The following AQP7 variants were observed in gnomAD, a reference collection of about 807,000 sequenced individuals.
AQP7 encodes the protein aquaporin 7, also known as aquaporin-7.
In AQP7, 22 loss-of-function variants were observed where a neutral mutation model predicts 26.1. The observed-to-expected ratio is 0.84, with a 90% CI of 0.60 to 1.20. AQP7 has a LOEUF of 1.20. AQP7 is among the 50% of genes most tolerant of loss of function. AQP7 has a pLI of 0.00. For missense variants in AQP7, 412 were observed against 457.5 expected, an observed-to-expected ratio of 0.90 and a Z score of 0.91; for synonymous variants, 167 against 181.7, an observed-to-expected ratio of 0.92 and a Z score of 0.65.
chr9:33,386,875 C>T (rs546902638), intron 4 of AQP7, 94 bp downstream of exon 4: 1 of 1,567,862 alleles, frequency 6.4e-7, no homozygotes, highest in South Asian at 1.2e-5. Context: ...GAGGCACTGG[C>T]TGTGCTGGCA....
chr9:33,394,190 G>C (rs1383005029), intron 3 of AQP7: 3 of 152,272 alleles, frequency 2.0e-5, no homozygotes, highest in Admixed American at 2.0e-4. Flanking sequence ...CACATCTTCT[G>C]CTGGCAGAGT....
At chr9:33,395,807 G>A (rs1587139133) in intron 2 of AQP7, among the ~76,000 whole-genome samples, 1 of 152,230 alleles carries the variant, frequency 6.6e-6, no homozygotes. Flanking sequence ...TTGTGAGAGA[G>A]TGAGTGAATG....
intron 1 of AQP7, among the ~76,000 whole-genome samples, chr9:33,402,059 G>C (rs917357932): frequency 1.3e-5 from 2 of 151,892 alleles, no homozygotes; most frequent in African/African-American, 2.4e-5. Flanking sequence ...CTCTCTCCTC[G>C]TCCCACCCCC....
intron 3 of AQP7, among the ~76,000 whole-genome samples, chr9:33,390,136 C>T (rs369643295): frequency 6.6e-6 from 1 of 151,874 alleles, no homozygotes; most frequent in South Asian, 2.1e-4. Context: ...CATGATCCCG[C>T]GAAGGGGCTG....
rs778848616 is a variant in AQP7, at chr9:33,385,149, G to A, written c.885C>T (p.Asp295=). The A allele has an allele frequency of 9.3e-6, 15 of 1,611,848 alleles. No individual in the cohort carries two copies. In the African/African-American group the frequency reaches 1.9e-4, roughly 20 times the overall value. Reference sequence around the variant, plus strand: ...TCTTGGGCAATACGGTTATCCCGTGGTCTTCATACGCCACAGAATCCTCCA... The same window carrying A: ...TCTTGGGCAATACGGTTATCCCGTGATCTTCATACGCCACAGAATCCTCCA... ...LKLEDSVAYE[D]HGITVLPKMG... Residue 295 remains aspartate (D), a synonymous_variant, in exon 8 of 8, where the codon GAC becomes GAT. Coordinates refer to ENST00000297988, the MANE Select transcript of AQP7 (RefSeq NM_001170.3).
At chr9:33,386,835 G>T in intron 4 of AQP7, 134 bp downstream of exon 4, 1 of 1,340,184 alleles carries the variant, frequency 7.5e-7, no homozygotes, top group African/African-American at 1.4e-5. Flanking sequence ...GGGGTTCAGA[G>T]GAGACTTCCT....
intron 3 of AQP7, among the ~76,000 whole-genome samples, chr9:33,387,484 G>A (rs908564702): frequency 1.1e-4 from 17 of 151,948 alleles, no homozygotes; most frequent in Non-Finnish European, 2.2e-4. Context: ...TTCTTCAAGG[G>A]ACCTCCAAAT....
chr9:33,391,165 T>C (rs1825357677), intron 3 of AQP7, among the ~76,000 whole-genome samples: 1 of 152,220 alleles, frequency 6.6e-6, no homozygotes, highest in Non-Finnish European at 1.5e-5. Flanking sequence ...TGATTCCCTG[T>C]GTCAGGGTTG....
At chr9:33,399,523 C>T (rs1826093927) in intron 2 of AQP7, among the ~76,000 whole-genome samples, 1 of 151,876 alleles carries the variant, frequency 6.6e-6, no homozygotes, top group Admixed American at 6.6e-5. Flanking sequence ...ATCGCTTGAA[C>T]CCAAGAAGCA....
intron 3 of AQP7, among the ~76,000 whole-genome samples, chr9:33,392,724 T>C (rs1201662391): frequency 6.6e-6 from 1 of 152,126 alleles, no homozygotes; most frequent in African/African-American, 2.4e-5. Flanking sequence ...ATCCAACTGC[T>C]GTCCTCACAG....
chr9:33,393,743 G>C (rs1825611668), intron 3 of AQP7: 1 of 152,270 alleles, frequency 6.6e-6, no homozygotes, highest in African/African-American at 2.4e-5. Context: ...CCCTTGTCAA[G>C]GTTACCAGCA....
At chr9:33,399,300 A>G (rs866123360) in intron 2 of AQP7, among the ~76,000 whole-genome samples, 2 of 152,128 alleles carry the variant, frequency 1.3e-5, no homozygotes, top group African/African-American at 2.4e-5. Flanking sequence ...TCTTAATTCA[A>G]CAAACATTGG....
intron 2 of AQP7, 37 bp from the exon 3 acceptor site, chr9:33,395,232 A>T: frequency 6.4e-7 from 1 of 1,564,398 alleles, no homozygotes; most frequent in South Asian, 1.1e-5. Flanking sequence ...CAGAAAGGAG[A>T]CTCAAGTCTG....
At chr9:33,399,989 A>G (rs1479688439) in intron 2 of AQP7, among the ~76,000 whole-genome samples, 1 of 152,082 alleles carries the variant, frequency 6.6e-6, no homozygotes, top group Non-Finnish European at 1.5e-5. Context: ...GGGACCCCTG[A>G]CTGAGCCAAG....
At chr9:33,396,936 A>T (rs905822477) in intron 2 of AQP7, among the ~76,000 whole-genome samples, 21 of 151,716 alleles carry the variant, frequency 1.4e-4, no homozygotes, top group Non-Finnish European at 2.9e-4. Flanking sequence ...TCTCTACAAA[A>T]AAAAAAATAC....
rs1439247147 is a variant in AQP7 at position 33,384,409 on chromosome 9, G to T, written c.*596C>A. 6.6e-6 allele frequency: 1 copy of T among 151,968 alleles called. No individual in the cohort carries two copies. The highest frequency in any genetic ancestry group is 6.6e-5 in the Admixed American group (1 of 15,256). 9.4% of individuals were successfully genotyped at this position (151,968 alleles called of 1,614,324 possible). On this transcript the variant is annotated 3_prime_UTR_variant, in exon 8 of 8. Coordinates refer to ENST00000297988, the MANE Select transcript of AQP7 (RefSeq NM_001170.3). ...AAAAAAAAATCTTACTCTTTTTTAT[G>T]TATAAAGCACAGAACATATACAGAA...
chr9:33,401,843 C>A (rs1037709395), intron 1 of AQP7: 1 of 155,528 alleles, frequency 6.4e-6, no homozygotes, highest in Non-Finnish European at 1.4e-5. Context: ...GTCCCCTCAC[C>A]CTGTCTGTCC....
At chr9:33,389,531 G>A (rs1021501583) in intron 3 of AQP7, among the ~76,000 whole-genome samples, 16 of 152,116 alleles carry the variant, frequency 1.1e-4, no homozygotes, top group Admixed American at 3.3e-4. Context: ...TTGGATATAT[G>A]GGTTAATTAT....
chr9:33,396,755 C>A lies in AQP7; in HGVS notation c.27-1560G>T, dbSNP rs1825881640. On this transcript the variant is annotated intron_variant, in intron 2 of 7. Coordinates refer to ENST00000297988, the MANE Select transcript of AQP7 (RefSeq NM_001170.3). ...CTAGGCCATTCACTTCTTCCACATGCCCCACGGTGCCCACTCTTTCAGCTG... is the reference window on the plus strand; with the variant it reads ...CTAGGCCATTCACTTCTTCCACATGACCCACGGTGCCCACTCTTTCAGCTG... Among the ~76,000 whole-genome samples the A allele has an allele frequency of 2.0e-5, 3 of 149,682 alleles. No individual in the cohort carries two copies. The Admixed American group carries it at 2.0e-4, about 10-fold the overall frequency.
Sources: gnomAD v4.1 joint callset for allele counts (sites outside exome capture counted in the v4.1 genomes callset) on GRCh38, gnomAD v4.1.1 for gene constraint, MANE v1.5 for transcripts, NCBI Gene and HGNC (gene_info 2026-07-23, HGNC 2026-07-21) for gene names.